Variants in COMMD10 observed in about 807,000 individuals in gnomAD.
The protein encoded by COMMD10 is COMM domain-containing protein 10.
A neutral mutation model predicts 28.9 loss-of-function variants in COMMD10; 33 were observed. The ratio of observed to expected loss-of-function variants is 1.14; its 90% CI spans 0.87 to 1.53. COMMD10 has a LOEUF of 1.53. COMMD10 is among the 40% of genes most tolerant of loss of function. The pLI is 0.00. For missense variants in COMMD10, 310 were observed against 233.4 expected, an observed-to-expected ratio of 1.33 and a Z score of -2.14; for synonymous variants, 110 against 81.7, an observed-to-expected ratio of 1.35 and a Z score of -1.87.
intron 5 of COMMD10, among the ~76,000 whole-genome samples, chr5:116,227,824 C>G (rs79834159): frequency 6.6e-6 from 1 of 152,024 alleles, no homozygotes; most frequent in Non-Finnish European, 1.5e-5. Flanking sequence ...GGAATTAGTT[C>G]TCTCACCCAG....
chr5:116,108,903 G>A (rs4921059), intron 4 of COMMD10, among the ~76,000 whole-genome samples: 33,663 of 151,938 alleles, frequency 0.22, 4,649 homozygotes, highest in African/African-American at 0.38. Flanking sequence ...GGAGTGCACC[G>A]TTCCTCTCGG....
At chr5:116,134,953 T>G (rs1258745553) in intron 5 of COMMD10, among the ~76,000 whole-genome samples, 1 of 152,176 alleles carries the variant, frequency 6.6e-6, no homozygotes, top group African/African-American at 2.4e-5. Context: ...GATTTTACTT[T>G]ATTATTAATT....
At chr5:116,120,985 T>C (rs1362741186) in intron 4 of COMMD10, among the ~76,000 whole-genome samples, 1 of 152,180 alleles carries the variant, frequency 6.6e-6, no homozygotes, top group Non-Finnish European at 1.5e-5. Flanking sequence ...GCCTATATTT[T>C]CTTTTTTTTA....
intron 5 of COMMD10, among the ~76,000 whole-genome samples, chr5:116,254,563 G>A (rs1750224763): frequency 1.3e-5 from 2 of 150,684 alleles, no homozygotes; most frequent in Non-Finnish European, 3.0e-5. Flanking sequence ...GTACCCAGTA[G>A]TCATTCAGGA....
chr5:116,099,408 A>T (rs1175275583), intron 4 of COMMD10, among the ~76,000 whole-genome samples: 3 of 134,154 alleles, frequency 2.2e-5, no homozygotes, highest in African/African-American at 8.2e-5. Context: ...TGCAGTGAAC[A>T]TGAGGGTGCA....
At chr5:116,143,676 A>G (rs1290224552) in intron 5 of COMMD10, among the ~76,000 whole-genome samples, 3 of 151,878 alleles carry the variant, frequency 2.0e-5, no homozygotes, top group African/African-American at 2.4e-5. Context: ...TGAATAATAT[A>G]AATATTTTGA....
At chr5:116,190,324 GATTA>G (rs1311242508) in intron 5 of COMMD10, among the ~76,000 whole-genome samples, 8 of 152,210 alleles carry the variant, frequency 5.3e-5, no homozygotes, top group Middle Eastern at 6.8e-3. Flanking sequence ...TAAAATATAT[GATTA>G]ATTAATGAAT....
At chr5:116,193,812 G>A (rs534593191) in intron 5 of COMMD10, among the ~76,000 whole-genome samples, 2 of 152,092 alleles carry the variant, frequency 1.3e-5, no homozygotes, top group Non-Finnish European at 2.9e-5. Flanking sequence ...GGAACAAATG[G>A]ACTTAGCAGA....
At chr5:116,118,784 A>G (rs1311995139) in intron 4 of COMMD10, among the ~76,000 whole-genome samples, 2 of 152,168 alleles carry the variant, frequency 1.3e-5, no homozygotes, top group Non-Finnish European at 2.9e-5. Flanking sequence ...TTAGCTGTTG[A>G]TGCAGAAATC....
chr5:116,229,666 A>G (rs1180192861), intron 5 of COMMD10, among the ~76,000 whole-genome samples: 1 of 151,996 alleles, frequency 6.6e-6, no homozygotes, highest in Non-Finnish European at 1.5e-5. Context: ...TGAAACAGCT[A>G]GAAAACAAAT....
Position 116,274,091 on chromosome 5 carries a change from T to C in COMMD10, c.511-17426T>C, listed in dbSNP as rs73784109. Among the ~76,000 whole-genome samples the C allele has an allele frequency of 4.4e-3, 673 of 151,842 alleles. 21 individuals carry two copies. Among genetic ancestry groups the C allele is most frequent in the African/African-American group, 0.015 (630 of 41,250 alleles). On this transcript the variant is annotated intron_variant, in intron 5 of 6. Coordinates refer to ENST00000274458, the MANE Select transcript of COMMD10 (RefSeq NM_016144.4). ...CAACCTTTCCTATAAAACAGCAATATATTAAATGATAGTGAAGAGGGTCTG... is the reference window on the plus strand; with the variant it reads ...CAACCTTTCCTATAAAACAGCAATACATTAAATGATAGTGAAGAGGGTCTG...
chr5:116,107,482 T>C (rs1244213355), intron 4 of COMMD10, among the ~76,000 whole-genome samples: 1 of 152,240 alleles, frequency 6.6e-6, no homozygotes, highest in East Asian at 1.9e-4. Context: ...CTATTGATAC[T>C]TGTGTATGCT....
intron 5 of COMMD10, among the ~76,000 whole-genome samples, chr5:116,224,244 G>T (rs1749335662): frequency 6.6e-6 from 1 of 152,164 alleles, no homozygotes; most frequent in African/African-American, 2.4e-5. Flanking sequence ...GAGGACTTCA[G>T]TTGGGAATTC....
intron 5 of COMMD10, among the ~76,000 whole-genome samples, chr5:116,243,859 G>A (rs1314854080): frequency 7.2e-5 from 11 of 152,200 alleles, no homozygotes; most frequent in East Asian, 1.9e-4. Context: ...CCACATCAAG[G>A]CAGTTTCAGA....
chr5:116,125,736 G>A (rs1255956008), intron 4 of COMMD10, among the ~76,000 whole-genome samples: 1 of 152,026 alleles, frequency 6.6e-6, no homozygotes, highest in Admixed American at 6.6e-5. Flanking sequence ...TTTTTTGAAG[G>A]CTTTGTTCGT....
At chr5:116,273,299 T>C (rs1345808103) in intron 5 of COMMD10, among the ~76,000 whole-genome samples, 1 of 151,886 alleles carries the variant, frequency 6.6e-6, no homozygotes, top group Non-Finnish European at 1.5e-5. Flanking sequence ...CCTTGTAATG[T>C]ATCTTAATTC....
intron 5 of COMMD10, among the ~76,000 whole-genome samples, chr5:116,146,421 T>C (rs1752352364): frequency 6.6e-6 from 1 of 151,854 alleles, no homozygotes; most frequent in Non-Finnish European, 1.5e-5. Flanking sequence ...CTTTTGAACA[T>C]CAGTGGTGAT....
At chr5:116,249,923 C>A (rs778228197) in intron 5 of COMMD10, among the ~76,000 whole-genome samples, 2 of 151,888 alleles carry the variant, frequency 1.3e-5, no homozygotes, top group African/African-American at 4.8e-5. Context: ...TCACATAAGT[C>A]ACTTAACAAT....
At chr5:116,192,271 CCCA>C (rs780184757) in intron 5 of COMMD10, among the ~76,000 whole-genome samples, 1 of 147,994 alleles carries the variant, frequency 6.8e-6, no homozygotes, top group Non-Finnish European at 1.5e-5. Context: ...AACCCCCCCC[CCCA>C]AAAATAACAC....
Sources: gnomAD v4.1 joint callset for allele counts (sites outside exome capture counted in the v4.1 genomes callset) on GRCh38, gnomAD v4.1.1 for gene constraint, MANE v1.5 for transcripts, NCBI Gene and HGNC (gene_info 2026-07-23, HGNC 2026-07-21) for gene names.